The following TRAIP variants were observed in gnomAD, a reference collection of about 807,000 sequenced individuals.
TRAIP encodes E3 ubiquitin-protein ligase TRAIP.
In TRAIP, 37 loss-of-function variants were observed where a neutral mutation model predicts 65.0. The ratio of observed to expected loss-of-function variants is 0.57; its 90% CI spans 0.44 to 0.75. The LOEUF (loss-of-function observed/expected upper bound fraction) is 0.75. Ranked by LOEUF, TRAIP falls within the 30% of genes least tolerant of loss-of-function variation. TRAIP has a pLI of 0.00. For synonymous variants in TRAIP, 187 were observed against 219.1 expected (o/e 0.85, Z 1.29); for missense variants, 481 against 579.4 (o/e 0.83, Z 1.74).
Position 49,841,913 on chromosome 3 carries a change from C to T in TRAIP, c.530G>A (p.Arg177His), listed in dbSNP as rs1301495687. 7 of 1,614,206 alleles carry T rather than the reference C, an allele frequency of 4.3e-6. No homozygotes were observed. The highest frequency in any genetic ancestry group is 1.1e-5 in the South Asian group (1 of 91,082). ...TCGGATCATCTCCTCCACCTCAGGG[C>T]GCTGGCTCTGGAGTAGAAGCTCAAT... Reference protein sequence around the residue: ...EQIELLLQSQRPEVEEMIRDM... With the variant: ...EQIELLLQSQHPEVEEMIRDM... Residue 177 changes from arginine to histidine, a missense_variant, in exon 7 of 15, where the codon CGC becomes CAC. Coordinates refer to ENST00000331456, the MANE Select transcript of TRAIP (RefSeq NM_005879.3).
intron 6 of TRAIP, 53 bp from the exon 7 acceptor site, chr3:49,841,992 G>T: frequency 2.1e-6 from 3 of 1,424,850 alleles, no homozygotes; most frequent in South Asian, 2.3e-5. Flanking sequence ...TGATGGGTAG[G>T]TACCCAGTGC....
At chr3:49,856,276 G>T in intron 1 of TRAIP, 80 bp downstream of exon 1, 1 of 1,275,632 alleles carries the variant, frequency 7.8e-7, no homozygotes, top group South Asian at 1.3e-5. Context: ...TCCGGGGTTG[G>T]ACCGCCTGGA....
In TRAIP at chr3:49,847,529, A is replaced by G. The variant is rs1376440713; in HGVS notation, c.236T>C (p.Leu79Ser). 1 of 1,606,694 alleles carries G rather than the reference A, an allele frequency of 6.2e-7. No homozygotes were observed. Among genetic ancestry groups the G allele is most frequent in the East Asian group, 2.2e-5 (1 of 44,740 alleles). The stretch of plus-strand genomic sequence containing the variant: ...AATCAGATAAATTCTGGGTACCTTT[A>G]AGAATTCTGCATCCAAGACATTCTC... ...EEENVLDAEF[L>S]KNELDNVRAQ... is the part of the protein sequence containing the mutation. The change falls in exon 3 of 15, where the codon TTA becomes TCA. Residue 79 changes from leucine (L) to serine (S), a missense_variant. By Grantham distance (145) the Leu-to-Ser change is moderately radical. Transcript: ENST00000331456.
At chr3:49,838,404 A>G (rs142303816) in intron 10 of TRAIP, among the ~76,000 whole-genome samples, 1 of 152,330 alleles carries the variant, frequency 6.6e-6, no homozygotes, top group Non-Finnish European at 1.5e-5. Context: ...ACTGGGAGCT[A>G]CAGACCAGAT....
chr3:49,843,958 G>T, intron 4 of TRAIP, 30 bp from the exon 5 acceptor site: 2 of 1,586,464 alleles, frequency 1.3e-6, no homozygotes, highest in East Asian at 2.3e-5. Context: ...CGGAGGAAAG[G>T]GAAAGGCCTG....
rs189722050 is a variant in TRAIP, at chr3:49,846,725, C to A, written c.240+800G>T. On this transcript the variant is annotated intron_variant, in intron 3 of 14. Coordinates refer to ENST00000331456, the MANE Select transcript of TRAIP (RefSeq NM_005879.3). ...TTCATCTCCATATTCCAGGAACCCTCCACTTATGTGGAAATAGAAAGTGAA... is the reference window on the plus strand; with the variant it reads ...TTCATCTCCATATTCCAGGAACCCTACACTTATGTGGAAATAGAAAGTGAA... Among the ~76,000 whole-genome samples the A allele has an allele frequency of 1.4e-4, 22 of 152,334 alleles. No homozygotes were observed. The East Asian group carries it at 3.3e-3, about 23-fold the overall frequency.
At position 49,831,898 on chromosome 3, in the gene TRAIP, C is replaced by T; in HGVS notation, c.1037+18G>A. The T allele has an allele frequency of 6.5e-7, 1 of 1,541,298 alleles. No homozygotes were observed. Among genetic ancestry groups the T allele is most frequent in the Non-Finnish European group, 8.8e-7 (1 of 1,140,302 alleles). ...TCCCCCTACCAGCCCATGGACAGTG[C>T]CAGCGACTATCACTCACTGTGACTT... On this transcript the variant is annotated intron_variant, in intron 11 of 14. Transcript: ENST00000331456.
rs2081847277 is a variant in TRAIP, at chr3:49,842,440, G to T, written c.503+13C>A. ...GGGCAAAGGCACAGTGCAGGACCCA[G>T]CTCCAAACTCACTGCTCCATGGTCT... On this transcript the variant is annotated intron_variant, in intron 6 of 14. Coordinates refer to ENST00000331456, the MANE Select transcript of TRAIP (RefSeq NM_005879.3). 1.9e-6 allele frequency: 3 copies of T among 1,613,524 alleles called. No individual in the cohort carries two copies.
At chr3:49,832,728 G>A (rs1305996919) in intron 10 of TRAIP, among the ~76,000 whole-genome samples, 3 of 130,848 alleles carry the variant, frequency 2.3e-5, no homozygotes, top group Admixed American at 7.7e-5. Context: ...GGGGGGTGGG[G>A]AGTGAAGTTT....
chr3:49,847,634 A>G (rs1411826472), intron 2 of TRAIP, 26 bp from the exon 3 acceptor site: 15 of 1,550,172 alleles, frequency 9.7e-6, no homozygotes, highest in African/African-American at 2.7e-5. Flanking sequence ...AGGTAAGAGT[A>G]TGATTGTGTA....
chr3:49,853,155 G>T (rs930204159), intron 1 of TRAIP, among the ~76,000 whole-genome samples: 27 of 151,202 alleles, frequency 1.8e-4, no homozygotes, highest in Non-Finnish European at 2.1e-4. Flanking sequence ...AAGGTAAAAA[G>T]AAATTCATAT....
At chr3:49,838,423 G>A (rs1054630633) in intron 10 of TRAIP, among the ~76,000 whole-genome samples, 2 of 152,180 alleles carry the variant, frequency 1.3e-5, no homozygotes, top group Non-Finnish European at 2.9e-5. Flanking sequence ...ATTCTATAAT[G>A]TAGTATATAG....
chr3:49,834,208 C>T (rs2352967), intron 10 of TRAIP, among the ~76,000 whole-genome samples: 41,950 of 152,018 alleles, frequency 0.28, 6,023 homozygotes, highest in South Asian at 0.32. Context: ...GCCCTTGGGG[C>T]CCATGAGAGA....
At chr3:49,842,411 C>CT in intron 6 of TRAIP, 42 bp downstream of exon 6, 1 of 1,596,696 alleles carries the variant, frequency 6.3e-7, no homozygotes. Flanking sequence ...CTTGCAGGCC[C>CT]TGGGGGCAAA....
At chr3:49,842,421 A>G (rs1234282426) in intron 6 of TRAIP, 32 bp downstream of exon 6, 1 of 1,606,542 alleles carries the variant, frequency 6.2e-7, no homozygotes, top group Non-Finnish European at 8.5e-7. Flanking sequence ...CTGGGGGCAA[A>G]GGCACAGTGC....
chr3:49,831,712 A>G (rs181633827), intron 11 of TRAIP, among the ~76,000 whole-genome samples: 250 of 152,332 alleles, frequency 1.6e-3, no homozygotes, highest in Non-Finnish European at 2.1e-3. Context: ...GGTGATGGTG[A>G]GGAATAATGA....
At position 49,856,372 on chromosome 3, in the gene TRAIP, T is replaced by C; in HGVS notation, c.82A>G (p.Thr28Ala). Reference protein sequence around the residue: ...RDVAAIHCGHTFHLQCLIQWF... With the variant: ...RDVAAIHCGHAFHLQCLIQWF... ...GTCACTCACCACTGCAAGTGGAAGG[T>C]GTGGCCGCAGTGGATGGCGGCCACG... is the stretch of plus-strand genomic sequence containing the variant. Residue 28 changes from threonine to alanine, a missense_variant, in exon 1 of 15, where the codon ACC becomes GCC. By Grantham distance (58) the Thr-to-Ala change is moderately conservative. Coordinates refer to ENST00000331456, the MANE Select transcript of TRAIP (RefSeq NM_005879.3). 1 of 1,613,964 alleles carries C rather than the reference T, an allele frequency of 6.2e-7. No individual in the cohort carries two copies. The highest frequency in any genetic ancestry group is 8.5e-7 in the Non-Finnish European group (1 of 1,179,912).
chr3:49,856,564 T>A lies in TRAIP; in HGVS notation c.-111A>T, dbSNP rs1237196804. 5.7e-6 allele frequency: 5 copies of A among 873,026 alleles called. No homozygotes were observed. The highest frequency in any genetic ancestry group is 7.2e-6 in the Non-Finnish European group (4 of 557,920). 54.1% of individuals were successfully genotyped at this position (873,026 alleles called of 1,614,324 possible). A position where few individuals can be genotyped will look rare whatever the true frequency, so the allele number is the denominator to read the frequency against. On this transcript the variant is annotated 5_prime_UTR_variant, in exon 1 of 15. Coordinates refer to ENST00000331456, the MANE Select transcript of TRAIP (RefSeq NM_005879.3). ...TCAAATTTGGCTCCGCAGCACGACT[T>A]CCTGGAGCGGGCCGGAAGTGACAAC...
Position 49,843,977 on chromosome 3 carries a change from T to C in TRAIP, c.281-49A>G, listed in dbSNP as rs776724324. 10 of 1,564,316 alleles carry C rather than the reference T, an allele frequency of 6.4e-6. No individual in the cohort carries two copies. The African/African-American group carries it at 1.4e-4, about 21-fold the overall frequency. ...GGAAAGGGAAAGGCCTGTCCATCCA[T>C]CAGCAGAAGAACTTGGGCCCTTGGA... is the stretch of plus-strand genomic sequence containing the variant. On this transcript the variant is annotated intron_variant, in intron 4 of 14. Transcript: ENST00000331456.
Sources: gnomAD v4.1 joint callset for allele counts (sites outside exome capture counted in the v4.1 genomes callset) on GRCh38, gnomAD v4.1.1 for gene constraint, MANE v1.5 for transcripts, NCBI Gene and HGNC (gene_info 2026-07-23, HGNC 2026-07-21) for gene names.